Variants in DCAF8L2 observed in about 807,000 individuals in gnomAD.
The protein encoded by DCAF8L2 is DDB1 and CUL4 associated factor 8 like 2, also known as DDB1- and CUL4-associated factor 8-like protein 2.
For synonymous variants in DCAF8L2, 200 were observed against 190.9 expected (o/e 1.05, Z -0.39); for missense variants, 430 against 490.7 (o/e 0.88, Z 1.17).
the DCAF8L2 span, among the ~76,000 whole-genome samples, chrX:27,469,569 G>A: frequency 2.2e-4 from 25 of 111,154 alleles, no homozygotes; most frequent in African/African-American, 7.5e-4. Flanking sequence ...CATTTAAAGG[G>A]GTGCCTTGAA....
the DCAF8L2 span, among the ~76,000 whole-genome samples, chrX:27,545,831 C>T: frequency 5.4e-5 from 6 of 111,569 alleles, no homozygotes; most frequent in African/African-American, 9.8e-5. Context: ...AGAGAGAGCA[C>T]GTGAGAGTGC....
At chrX:27,586,629 T>C (rs765378036), upstream of DCAF8L2, among the ~76,000 whole-genome samples, 3 of 111,587 alleles carry the variant, frequency 2.7e-5, no homozygotes, top group Non-Finnish European at 5.6e-5. Context: ...AATTGCTTGT[T>C]AAATTGTATG....
At chrX:27,591,982 G>A (rs1439142113) in intron 1 of DCAF8L2, among the ~76,000 whole-genome samples, 5 of 112,781 alleles carry the variant, frequency 4.4e-5, no homozygotes, top group Non-Finnish European at 9.4e-5. Flanking sequence ...TGCCATCGCT[G>A]CTTTTGTCCC....
chrX:27,622,444 T>A (rs1397933448), intron 1 of DCAF8L2, among the ~76,000 whole-genome samples: 2 of 109,820 alleles, frequency 1.8e-5, no homozygotes, highest in Non-Finnish European at 3.8e-5. Context: ...AGATAAAAAA[T>A]AAAAATATAT....
At chrX:27,486,646 A>T in the DCAF8L2 span, among the ~76,000 whole-genome samples, 1 of 110,995 alleles carries the variant, frequency 9.0e-6, no homozygotes, top group African/African-American at 3.3e-5. Context: ...CTTTTTGTCC[A>T]TTGTATATCT....
chrX:27,540,045 T>TGTA, the DCAF8L2 span, among the ~76,000 whole-genome samples: 5 of 110,864 alleles, frequency 4.5e-5, no homozygotes, highest in South Asian at 7.8e-4. Context: ...TCACTGTTAC[T>TGTA]ACTTCTCTTC....
At chrX:27,587,083 C>T (rs1925917860), upstream of DCAF8L2, among the ~76,000 whole-genome samples, 1 of 110,475 alleles carries the variant, frequency 9.1e-6, no homozygotes, top group South Asian at 3.8e-4. Flanking sequence ...CTGAATTAAA[C>T]TTTTTAAAAT....
At chrX:27,541,178 G>T in the DCAF8L2 span, among the ~76,000 whole-genome samples, 2 of 111,273 alleles carry the variant, frequency 1.8e-5, no homozygotes, top group East Asian at 5.7e-4. Flanking sequence ...AGGCACAGGG[G>T]AAATTGTCAA....
At chrX:27,721,721 T>G (rs947506825) in intron 4 of DCAF8L2, among the ~76,000 whole-genome samples, 12 of 111,767 alleles carry the variant, frequency 1.1e-4, no homozygotes, top group Non-Finnish European at 1.9e-4. Context: ...ATCAAGTAAC[T>G]CATAATTTTA....
At chrX:27,491,420 T>C in the DCAF8L2 span, among the ~76,000 whole-genome samples, 1 of 112,433 alleles carries the variant, frequency 8.9e-6, no homozygotes, top group Non-Finnish European at 1.9e-5. Context: ...GCAGTCTCAA[T>C]TCTGTTCTCT....
chrX:27,533,183 A>AAAGAAAG, the DCAF8L2 span, among the ~76,000 whole-genome samples: 3 of 20,743 alleles, frequency 1.4e-4, 1 homozygote, highest in Non-Finnish European at 3.3e-4. Context: ...AGAAAGAAAG[A>AAAGAAAG]AAGAAAGAAA....
At chrX:27,491,297 A>G in the DCAF8L2 span, among the ~76,000 whole-genome samples, 13 of 112,051 alleles carry the variant, frequency 1.2e-4, no homozygotes, top group African/African-American at 3.9e-4. Context: ...TGTCAGTGTG[A>G]ACTGTCCATA....
chrX:27,474,114 T>C, the DCAF8L2 span, among the ~76,000 whole-genome samples: 2 of 111,065 alleles, frequency 1.8e-5, no homozygotes, highest in South Asian at 3.8e-4. Context: ...CAGTTGCTCA[T>C]TGTACAAGAA....
At chrX:27,480,380 A>T in the DCAF8L2 span, among the ~76,000 whole-genome samples, 1 of 112,205 alleles carries the variant, frequency 8.9e-6, no homozygotes, top group Non-Finnish European at 1.9e-5. Context: ...GTTCTGGTTT[A>T]CATGACGAAG....
At chrX:27,646,292 T>C (rs1037455671) in intron 2 of DCAF8L2, among the ~76,000 whole-genome samples, 1 of 111,360 alleles carries the variant, frequency 9.0e-6, no homozygotes, top group Non-Finnish European at 1.9e-5. Context: ...TTGACAAACT[T>C]GACAAAAACA....
At chrX:27,674,238 G>A (rs1415708670) in intron 2 of DCAF8L2, among the ~76,000 whole-genome samples, 1 of 111,514 alleles carries the variant, frequency 9.0e-6, no homozygotes, top group Non-Finnish European at 1.9e-5. Context: ...ATTATTAAGA[G>A]ATTAAAGAAA....
intron 4 of DCAF8L2, among the ~76,000 whole-genome samples, chrX:27,726,283 A>C: frequency 9.0e-6 from 1 of 111,295 alleles, no homozygotes; most frequent in Non-Finnish European, 1.9e-5. Flanking sequence ...CTCTAGACTA[A>C]TTTACAGTTC....
the DCAF8L2 span, among the ~76,000 whole-genome samples, chrX:27,483,233 T>A: frequency 9.0e-6 from 1 of 111,502 alleles, no homozygotes; most frequent in East Asian, 2.8e-4. Flanking sequence ...GCGAGTAAAC[T>A]GCCCAACCAT....
chrX:27,564,860 T>A, the DCAF8L2 span, among the ~76,000 whole-genome samples: 10 of 109,375 alleles, frequency 9.1e-5, no homozygotes, highest in South Asian at 4.0e-3. Context: ...TAAAAAAAAA[T>A]TTTTTGTAGA....
Sources: allele counts gnomAD v4.1 joint callset (sites outside exome capture counted in the v4.1 genomes callset), GRCh38; gene constraint gnomAD v4.1.1; transcripts MANE v1.5; gene names NCBI Gene and HGNC (gene_info 2026-07-23, HGNC 2026-07-21).